Variants in SCNN1D observed in about 807,000 individuals in gnomAD.
SCNN1D encodes the protein epithelial sodium channel subunit delta.
A neutral mutation model predicts 87.8 loss-of-function variants in SCNN1D; 104 were observed. The observed-to-expected ratio is 1.18, with a 90% CI of 1.01 to 1.39. The LOEUF is 1.39. Among genes scored for constraint, SCNN1D ranks in the 40% most tolerant of loss-of-function variants. The pLI, the probability that SCNN1D is intolerant of heterozygous loss-of-function variation, is 0.00. For synonymous variants in SCNN1D, 628 were observed against 481.2 expected, an observed-to-expected ratio of 1.31 and a Z score of -3.99; for missense variants, 1,324 against 1,093.9, an observed-to-expected ratio of 1.21 and a Z score of -2.97.
intron 12 of SCNN1D, 72 bp downstream of exon 12, chr1:1,288,109 CG>C: frequency 6.2e-6 from 2 of 321,186 alleles, no homozygotes; most frequent in South Asian, 5.9e-5. Flanking sequence ...GCGGGTGGAA[CG>C]GGGGAGGGGT....
Position 1,285,670 on chromosome 1 carries a change from G to C in SCNN1D, c.558+6G>C, listed in dbSNP as rs772633148. ...CTGCCTGCAAACAGGGCCAGGTAGG[G>C]CCTGAGCACCCTGTTCTCTGAGTCC... On this transcript the variant is annotated splice_donor_region_variant and intron_variant, in intron 6 of 17. Coordinates refer to ENST00000379116, the MANE Select transcript of SCNN1D (RefSeq NM_001130413.4). 3.3e-6 allele frequency: 5 copies of C among 1,532,052 alleles called. No individual in the cohort carries two copies. In the South Asian group the frequency reaches 6.1e-5, roughly 19 times the overall value. 94.9% of individuals were successfully genotyped at this position (1,532,052 alleles called of 1,614,324 possible).
chr1:1,281,304 T>C lies in SCNN1D; in HGVS notation c.77+7T>C. 7 of 1,535,696 alleles carry C rather than the reference T, an allele frequency of 4.6e-6. No homozygotes were observed. The highest frequency in any genetic ancestry group is 6.1e-6 in the Non-Finnish European group (7 of 1,146,748). On this transcript the variant is annotated splice_region_variant and intron_variant, in intron 2 of 17. Transcript: ENST00000379116. Reference sequence around the variant, plus strand: ...ACCTCAGCGGCCCAAGGAGGTGAGCTCACAGCCATGCTCGGTCAATGGGGC... The same window carrying C: ...ACCTCAGCGGCCCAAGGAGGTGAGCCCACAGCCATGCTCGGTCAATGGGGC...
At position 1,291,123 on chromosome 1, in the gene SCNN1D, G is replaced by A. The variant is rs554826107; in HGVS notation, c.2035G>A (p.Glu679Lys). Reference sequence around the variant, plus strand: ...GGAGCTCAACTACCGCTCAGTGGAGGAGGCGCCCGTGTACTCGGTGAGCCT... The same window carrying A: ...GGAGCTCAACTACCGCTCAGTGGAGAAGGCGCCCGTGTACTCGGTGAGCCT... ...YQELNYRSVE[E>K]APVYSVPQLL... Residue 679 changes from glutamate (E) to lysine (K), a missense_variant, in exon 17 of 18, where the codon GAG becomes AAG. By Grantham distance (56) the Glu-to-Lys change is moderately conservative. Coordinates refer to ENST00000379116, the MANE Select transcript of SCNN1D (RefSeq NM_001130413.4). 70 of 1,612,158 alleles carry A rather than the reference G, an allele frequency of 4.3e-5. No individual in the cohort carries two copies. In the South Asian group the frequency reaches 6.2e-4, roughly 14 times the overall value.
intron 2 of SCNN1D, 56 bp from the exon 3 acceptor site, chr1:1,281,355 A>G: frequency 6.5e-7 from 1 of 1,534,182 alleles, no homozygotes; most frequent in East Asian, 2.4e-5. Context: ...GGGAGAGAGC[A>G]GAGGCATGGG....
chr1:1,285,781 C>T, intron 6 of SCNN1D, 117 bp downstream of exon 6: 2 of 1,185,632 alleles, frequency 1.7e-6, no homozygotes, highest in Non-Finnish European at 1.2e-6. Context: ...GAGAAGGGCG[C>T]AGTGTCAGAG....
At position 1,286,965 on chromosome 1, in the gene SCNN1D, G is replaced by A. The variant is rs1640606809; in HGVS notation, c.1109G>A (p.Gly370Glu). 2.5e-6 allele frequency: 4 copies of A among 1,611,550 alleles called. No individual in the cohort carries two copies. The highest frequency in any genetic ancestry group is 3.4e-6 in the Non-Finnish European group (4 of 1,179,392). ...LSHSGSRVRV[G>E]FRLCNSTGGD... is the part of the protein sequence containing the mutation. ...CACTCGGGCAGCCGGGTCAGAGTGGGGTTCAGACTGGTGAGTGTCCCAGCC... is the reference window on the plus strand; with the variant it reads ...CACTCGGGCAGCCGGGTCAGAGTGGAGTTCAGACTGGTGAGTGTCCCAGCC... Residue 370 changes from glycine (G) to glutamate (E), a missense_variant, in exon 8 of 18, where the codon GGG (glycine) becomes GAG (glutamate). By Grantham distance (98) the Gly-to-Glu change is moderately conservative. Transcript: ENST00000379116.
chr1:1,290,045 C>T (rs58611942), intron 12 of SCNN1D, among the ~76,000 whole-genome samples: 814 of 7,254 alleles, frequency 0.11, 3 homozygotes, highest in East Asian at 0.28. Flanking sequence ...GTCCCGTGTC[C>T]CTGCTCCGTC....
chr1:1,290,900 G>C lies in SCNN1D; in HGVS notation c.1923G>C (p.Trp641Cys). ...SRWPSAKSAG[W>C]TLATLGEQGL... Reference sequence around the variant, plus strand: ...AGCAAACCTTCCGTCTGCAGGGATGGACTCTGGCCACGCTAGGTGAACAGG... The same window carrying C: ...AGCAAACCTTCCGTCTGCAGGGATGCACTCTGGCCACGCTAGGTGAACAGG... The change falls in exon 16 of 18, where the codon TGG (tryptophan) becomes TGC (cysteine). Residue 641 changes from tryptophan (W) to cysteine (C), a missense_variant. Trp to Cys is a radical substitution (Grantham distance 215). Coordinates refer to ENST00000379116, the MANE Select transcript of SCNN1D (RefSeq NM_001130413.4). The C allele has an allele frequency of 6.2e-7, 1 of 1,610,178 alleles. No individual in the cohort carries two copies. The highest frequency in any genetic ancestry group is 8.5e-7 in the Non-Finnish European group (1 of 1,179,014).
In SCNN1D at chr1:1,290,256, C is replaced by T. The variant is rs766938215; in HGVS notation, c.1663-15C>T. On this transcript the variant is annotated splice_polypyrimidine_tract_variant and intron_variant, in intron 12 of 17. Coordinates refer to ENST00000379116, the MANE Select transcript of SCNN1D (RefSeq NM_001130413.4). ...CGCTCCATCCCATGTCCCTGCTCAT[C>T]CCCCCTGTCCCCAGGCCTGCCTGGT... 7 of 1,528,060 alleles carry T rather than the reference C, an allele frequency of 4.6e-6. No individual in the cohort carries two copies. Among genetic ancestry groups the T allele is most frequent in the Non-Finnish European group, 6.2e-6 (7 of 1,133,530 alleles). 94.7% of individuals were successfully genotyped at this position (1,528,060 alleles called of 1,614,324 possible). A position where few individuals can be genotyped will look rare whatever the true frequency, so the allele number is the denominator to read the frequency against.
chr1:1,288,251 T>C (rs867969387), intron 12 of SCNN1D, among the ~76,000 whole-genome samples: 2,201 of 106,576 alleles, frequency 0.021, 90 homozygotes, highest in African/African-American at 0.068. Context: ...GTGTCTCTGC[T>C]CCGTCCCGTG....
intron 15 of SCNN1D, 41 bp from the exon 16 acceptor site, chr1:1,290,854 G>A (rs756399271): frequency 8.7e-6 from 14 of 1,603,520 alleles, no homozygotes; most frequent in South Asian, 1.1e-5. Context: ...ATGGCCGGGG[G>A]CATGGGGGAG....
At chr1:1,288,189 C>G in intron 12 of SCNN1D, 152 bp downstream of exon 12, 3 of 622,178 alleles carry the variant, frequency 4.8e-6, no homozygotes, top group Non-Finnish European at 8.3e-6. Flanking sequence ...TCCCCCGTGT[C>G]CCCGCTCCAT....
In SCNN1D at chr1:1,291,561, C is replaced by A; in HGVS notation, c.2360C>A (p.Ala787Asp). ...MLPGVLAGVS[A>D]EESWAGPQPL... ...CCAGGGGTTCTGGCGGGAGTCTCAG[C>A]CGAAGAGAGCTGGGCTGGGCCCCAG... Residue 787 changes from alanine to aspartate, a missense_variant, in exon 18 of 18, where the codon GCC becomes GAC. Transcript: ENST00000379116. 1 of 1,586,742 alleles carries A rather than the reference C, an allele frequency of 6.3e-7. No individual in the cohort carries two copies. Among genetic ancestry groups the A allele is most frequent in the Non-Finnish European group, 8.6e-7 (1 of 1,162,896 alleles).
At position 1,285,645 on chromosome 1, in the gene SCNN1D, C is replaced by A; in HGVS notation, c.539C>A (p.Ala180Asp). 2 of 1,546,448 alleles carry A rather than the reference C, an allele frequency of 1.3e-6. No individual in the cohort carries two copies. The highest frequency in any genetic ancestry group is 1.7e-6 in the Non-Finnish European group (2 of 1,145,000). The stretch of plus-strand genomic sequence containing the variant: ...CAGCACAGACCCACTCAGCACAACG[C>A]TGCCTGCAAACAGGGCCAGGTAGGG... ...GWQHRPTQHN[A>D]ACKQGQAAAQ... Residue 180 changes from alanine (A) to aspartate (D), a missense_variant, in exon 6 of 18, where the codon GCT (alanine) becomes GAT (aspartate). By Grantham distance (126) the Ala-to-Asp change is moderately radical. Coordinates refer to ENST00000379116, the MANE Select transcript of SCNN1D (RefSeq NM_001130413.4).
chr1:1,285,058 C>T (rs1325066420), intron 5 of SCNN1D, among the ~76,000 whole-genome samples: 5 of 152,198 alleles, frequency 3.3e-5, no homozygotes, highest in Admixed American at 6.5e-5. Flanking sequence ...GCCTTGGGGA[C>T]GCAGGGTGAG....
At chr1:1,290,779 G>T in intron 15 of SCNN1D, 85 bp downstream of exon 15, 1 of 1,587,378 alleles carries the variant, frequency 6.3e-7, no homozygotes. Flanking sequence ...GACAAGGGCA[G>T]GGCCGGAACT....
At chr1:1,283,474 G>A (rs1383285379) in intron 4 of SCNN1D, among the ~76,000 whole-genome samples, 2 of 152,068 alleles carry the variant, frequency 1.3e-5, no homozygotes, top group Non-Finnish European at 2.9e-5. Context: ...TAAGGCGGGC[G>A]GATCACCTGA....
In SCNN1D at chr1:1,285,519, C is replaced by T. The variant is rs1241483216; in HGVS notation, c.465-52C>T. On this transcript the variant is annotated intron_variant, in intron 5 of 17. Transcript: ENST00000379116. Reference sequence around the variant, plus strand: ...AGAAGGGCAAGTCTTCCCCTGAGCCCCAGACCCCACGCGGGGCGCATGGAC... The same window carrying T: ...AGAAGGGCAAGTCTTCCCCTGAGCCTCAGACCCCACGCGGGGCGCATGGAC... 5.5e-5 allele frequency: 71 copies of T among 1,284,080 alleles called. 1 individual carries two copies. Among genetic ancestry groups the T allele is most frequent in the Non-Finnish European group, 6.9e-5 (66 of 949,902 alleles). The allele number at this position is 1,284,080 out of a possible 1,614,324, so 79.5% of individuals were successfully genotyped here. A position where few individuals can be genotyped will look rare whatever the true frequency, so the allele number is the denominator to read the frequency against.
chr1:1,282,354 G>A (rs1640486930), intron 4 of SCNN1D, 39 bp downstream of exon 4: 4 of 1,548,022 alleles, frequency 2.6e-6, no homozygotes, highest in East Asian at 4.9e-5. Context: ...TGGCTCTGCT[G>A]CTGGACCCTG....
Sources: allele counts gnomAD v4.1 joint callset (sites outside exome capture counted in the v4.1 genomes callset), GRCh38; gene constraint gnomAD v4.1.1; transcripts MANE v1.5; gene names NCBI Gene and HGNC (gene_info 2026-07-23, HGNC 2026-07-21).